WWOX: variants seen among roughly 807,000 people sequenced by gnomAD.
The protein encoded by WWOX is WW domain containing oxidoreductase, also known as WW domain-containing oxidoreductase.
In WWOX, 69 loss-of-function variants were observed where a neutral mutation model predicts 46.2. The ratio of observed to expected loss-of-function variants is 1.49; its 90% CI spans 1.23 to 1.82. The LOEUF is 1.82. Ranked by LOEUF, WWOX falls within the 40% of genes most tolerant of loss-of-function variation. The probability of loss-of-function intolerance (pLI) is 0.00; values close to 1 mark genes in which losing one functional copy is unlikely to be tolerated. For synonymous variants in WWOX, 359 were observed against 202.6 expected (o/e 1.77, Z -6.56); for missense variants, 919 against 542.6 (o/e 1.69, Z -6.89).
chr16:78,739,775 C>G (rs1372866565), intron 8 of WWOX, among the ~76,000 whole-genome samples: 2 of 152,138 alleles, frequency 1.3e-5, no homozygotes. Flanking sequence ...CGTACCATTG[C>G]ACTCCAGCCT....
In WWOX at chr16:78,312,381, CT is replaced by C. The variant is rs561304972; in HGVS notation, c.517-74466del. Among the ~76,000 whole-genome samples the C allele has an allele frequency of 1.5e-3, 202 of 132,740 alleles. 2 individuals carry two copies. The highest frequency in any genetic ancestry group is 3.1e-3 in the African/African-American group (110 of 35,370). 87.1% of individuals were successfully genotyped at this position (132,740 alleles called of 152,430 possible). On this transcript the variant is annotated intron_variant, in intron 5 of 8. Transcript: ENST00000566780. ...GCCAGCTGGAGTTGTAGGTCTAATT[CT>C]TTTTTTTTTTTTAAGACGGAGTTGT...
chr16:78,317,583 CTG>C (rs1313612544), intron 5 of WWOX, among the ~76,000 whole-genome samples: 4 of 152,088 alleles, frequency 2.6e-5, no homozygotes, highest in Admixed American at 6.5e-5. Context: ...GAGTGTGTGA[CTG>C]TGAGTGTGTG....
intron 8 of WWOX, among the ~76,000 whole-genome samples, chr16:78,870,432 C>T (rs2044101499): frequency 6.6e-6 from 1 of 151,982 alleles, no homozygotes; most frequent in African/African-American, 2.4e-5. Flanking sequence ...AATGACCTGC[C>T]ATCATGGGGA....
intron 5 of WWOX, among the ~76,000 whole-genome samples, chr16:78,381,356 G>A (rs1414128389): frequency 6.6e-6 from 1 of 152,210 alleles, no homozygotes; most frequent in African/African-American, 2.4e-5. Flanking sequence ...AAGACTTAGT[G>A]TATTAAGGTG....
At chr16:78,861,365 CTTA>C (rs2043881577) in intron 8 of WWOX, among the ~76,000 whole-genome samples, 1 of 152,074 alleles carries the variant, frequency 6.6e-6, no homozygotes, top group African/African-American at 2.4e-5. Flanking sequence ...TTGGCTCCAG[CTTA>C]TTATTTTAAA....
chr16:78,400,914 C>T (rs943677652), intron 6 of WWOX, among the ~76,000 whole-genome samples: 1 of 152,224 alleles, frequency 6.6e-6, no homozygotes, highest in African/African-American at 2.4e-5. Flanking sequence ...GCCTCAGCCA[C>T]CAGGGTTCAA....
chr16:79,094,348 C>A (rs551111960), intron 8 of WWOX, among the ~76,000 whole-genome samples: 1 of 151,038 alleles, frequency 6.6e-6, no homozygotes, highest in Non-Finnish European at 1.5e-5. Context: ...CCAACTGGTT[C>A]AAGCAATTCC....
Position 79,212,386 on chromosome 16 carries a change from G to T in WWOX, c.*590G>T. 1 of 479,422 alleles carries T rather than the reference G, an allele frequency of 2.1e-6. No individual in the cohort carries two copies. The allele number at this position is 479,422 out of a possible 1,614,324, so 29.7% of individuals were successfully genotyped here. On this transcript the variant is annotated 3_prime_UTR_variant, in exon 9 of 9. Transcript: ENST00000566780. ...GGAGTAGAATACGCAGAACTACCAG[G>T]TGGCAAAGTACTTGTCATAGACTCC...
intron 8 of WWOX, among the ~76,000 whole-genome samples, chr16:78,675,791 T>C (rs1394447180): frequency 5.3e-5 from 8 of 152,308 alleles, no homozygotes; most frequent in Middle Eastern, 3.4e-3. Flanking sequence ...CTGGGCAACA[T>C]AGCGAGACCT....
intron 8 of WWOX, among the ~76,000 whole-genome samples, chr16:78,579,538 G>C (rs575254093): frequency 6.6e-6 from 1 of 152,126 alleles, no homozygotes; most frequent in African/African-American, 2.4e-5. Flanking sequence ...AGGATGCTAG[G>C]TGAGGTGCTG....
Position 78,099,755 on chromosome 16 carries a change from G to T in WWOX, c.-24G>T, listed in dbSNP as rs761381097. 14 of 1,527,856 alleles carry T rather than the reference G, an allele frequency of 9.2e-6. No homozygotes were observed. Among genetic ancestry groups the T allele is most frequent in the African/African-American group, 1.4e-5 (1 of 71,276 alleles). 94.6% of individuals were successfully genotyped at this position (1,527,856 alleles called of 1,614,324 possible). A position where few individuals can be genotyped will look rare whatever the true frequency, so the allele number is the denominator to read the frequency against. ...TGGACCCGGCAGCGGGCGATAGGGGGGCCAGGTGCCTCCACAGTCAGCCAT... is the reference window on the plus strand; with the variant it reads ...TGGACCCGGCAGCGGGCGATAGGGGTGCCAGGTGCCTCCACAGTCAGCCAT... On this transcript the variant is annotated 5_prime_UTR_variant, in exon 1 of 9. Coordinates refer to ENST00000566780, the MANE Select transcript of WWOX (RefSeq NM_016373.4).
chr16:78,676,185 T>C (rs1410159458), intron 8 of WWOX, among the ~76,000 whole-genome samples: 1 of 151,876 alleles, frequency 6.6e-6, no homozygotes, highest in East Asian at 2.0e-4. Flanking sequence ...TATAGCTTGC[T>C]GTCTTGTTCT....
At chr16:78,952,150 C>G (rs993785378) in intron 8 of WWOX, among the ~76,000 whole-genome samples, 2 of 152,014 alleles carry the variant, frequency 1.3e-5, no homozygotes, top group African/African-American at 4.8e-5. Context: ...AACCCTCTAC[C>G]CTCTCTTTTG....
intron 8 of WWOX, among the ~76,000 whole-genome samples, chr16:79,173,005 A>C (rs1295358744): frequency 2.0e-5 from 3 of 152,220 alleles, no homozygotes; most frequent in African/African-American, 7.2e-5. Flanking sequence ...TGTGTGACAG[A>C]GCAAGACCCC....
chr16:78,128,523 C>G lies in WWOX; in HGVS notation c.409+13369C>G, dbSNP rs183163649. Among the ~76,000 whole-genome samples, 619 of 152,272 alleles carry G rather than the reference C, an allele frequency of 4.1e-3. 4 individuals are homozygous for G. The highest frequency in any genetic ancestry group is 0.014 in the Middle Eastern group (4 of 294). Reference sequence around the variant, plus strand: ...CTGCTTGCCTTAAGTTTCACCTGCCCAGGTCCTTACTTCTGCTCACAGTGC... The same window carrying G: ...CTGCTTGCCTTAAGTTTCACCTGCCGAGGTCCTTACTTCTGCTCACAGTGC... On this transcript the variant is annotated intron_variant, in intron 4 of 8. Transcript: ENST00000566780.
intron 8 of WWOX, among the ~76,000 whole-genome samples, chr16:78,876,595 A>G (rs2044239211): frequency 1.3e-5 from 2 of 150,882 alleles, no homozygotes; most frequent in South Asian, 4.2e-4. Context: ...CTTTCGACTT[A>G]TTTTGCTTTG....
At chr16:78,784,802 C>T (rs573939675) in intron 8 of WWOX, among the ~76,000 whole-genome samples, 30 of 152,242 alleles carry the variant, frequency 2.0e-4, no homozygotes, top group African/African-American at 7.0e-4. Flanking sequence ...AATAAGGACT[C>T]ACATGTGTCG....
intron 8 of WWOX, among the ~76,000 whole-genome samples, chr16:79,075,039 C>G (rs888914928): frequency 1.3e-5 from 2 of 152,156 alleles, no homozygotes; most frequent in African/African-American, 4.8e-5. Flanking sequence ...CAGAGAAACT[C>G]AGTATGAAAA....
chr16:78,953,000 C>CT (rs146888569), intron 8 of WWOX, among the ~76,000 whole-genome samples: 8,939 of 151,598 alleles, frequency 0.059, 350 homozygotes, highest in Middle Eastern at 0.095. Flanking sequence ...ACGCATTTCT[C>CT]TGATTTGTGG....
Sources: allele counts gnomAD v4.1 joint callset (sites outside exome capture counted in the v4.1 genomes callset), GRCh38; gene constraint gnomAD v4.1.1; transcripts MANE v1.5; gene names NCBI Gene and HGNC (gene_info 2026-07-23, HGNC 2026-07-21).